Variants in CNTNAP2 observed in about 807,000 individuals in gnomAD.
CNTNAP2 encodes contactin associated protein 2, also known as contactin-associated protein-like 2.
In CNTNAP2, 98 loss-of-function variants were observed where a neutral mutation model predicts 155.2. That is an observed-to-expected ratio of 0.63 (90% confidence interval 0.54 to 0.75). The LOEUF is 0.75. CNTNAP2 is among the 30% of genes least tolerant of loss of function. CNTNAP2 has a pLI of 0.00. For synonymous variants in CNTNAP2, 651 were observed against 631.2 expected, an observed-to-expected ratio of 1.03 and a Z score of -0.47; for missense variants, 1,727 against 1,688.1, an observed-to-expected ratio of 1.02 and a Z score of -0.40.
At chr7:146,594,913 C>T (rs905473219) in intron 1 of CNTNAP2, among the ~76,000 whole-genome samples, 3 of 152,032 alleles carry the variant, frequency 2.0e-5, no homozygotes, top group South Asian at 4.1e-4. Flanking sequence ...AACATGACAA[C>T]GCTGACCCTG....
At chr7:147,435,418 C>T (rs1014313042) in intron 10 of CNTNAP2, among the ~76,000 whole-genome samples, 2 of 152,154 alleles carry the variant, frequency 1.3e-5, no homozygotes, top group Admixed American at 6.5e-5. Flanking sequence ...CCCCGTCTTA[C>T]ATATAACCAG....
At chr7:146,272,541 GC>G (rs1445329615) in intron 1 of CNTNAP2, among the ~76,000 whole-genome samples, 4 of 152,162 alleles carry the variant, frequency 2.6e-5, no homozygotes, top group Non-Finnish European at 4.4e-5. Flanking sequence ...TCCAAGCACG[GC>G]TTTTTGAAAA....
At chr7:147,526,548 C>A (rs17225888) in intron 11 of CNTNAP2, among the ~76,000 whole-genome samples, 39,034 of 152,066 alleles carry the variant, frequency 0.26, 5,235 homozygotes, top group East Asian at 0.32. Flanking sequence ...TGGTTTAGTG[C>A]TCATTGCTTG....
rs144842680 is a variant in CNTNAP2 at position 147,943,766 on chromosome 7, CAAAAAAAAAAAAAA to C, written c.2256-34077_2256-34064del. The stretch of plus-strand genomic sequence containing the variant: ...TGAGCAACAAAGTGAGACCCCGTCT[CAAAAAAAAAAAAAA>C]AAAAAAAAAAAAAAAAAAGCCTCTA... On this transcript the variant is annotated intron_variant, in intron 14 of 23. Transcript: ENST00000361727. Among the ~76,000 whole-genome samples the C allele has an allele frequency of 2.5e-4, 10 of 40,168 alleles. No individual in the cohort carries two copies. The East Asian group carries it at 5.2e-3, about 21-fold the overall frequency. The allele number at this position is 40,168 out of a possible 152,430, so 26.4% of individuals were successfully genotyped here.
chr7:147,030,345 A>G (rs1041075346), intron 3 of CNTNAP2, among the ~76,000 whole-genome samples: 3 of 152,140 alleles, frequency 2.0e-5, no homozygotes, highest in African/African-American at 4.8e-5. Flanking sequence ...TACCTTGAGT[A>G]TTATGCTTCT....
In CNTNAP2 at chr7:148,172,423, C is replaced by A. The variant is rs138257598; in HGVS notation, c.2955C>A (p.His985Gln). ...ENGGKCLERYHGYSCDCSNTA... is the reference protein window; with the variant it reads ...ENGGKCLERYQGYSCDCSNTA... ...GAGGCAAATGCCTAGAGAGATACCA[C>A]GGTTACTCCTGCGATTGCTCTAATA... Residue 985 changes from histidine (H) to glutamine (Q), a missense_variant, in exon 18 of 24, where the codon CAC becomes CAA. Physicochemically the swap from His to Gln is conservative, Grantham distance 24. Coordinates refer to ENST00000361727, the MANE Select transcript of CNTNAP2 (RefSeq NM_014141.6). 3.3e-5 allele frequency: 53 copies of A among 1,614,054 alleles called. No homozygotes were observed. Among genetic ancestry groups the A allele is most frequent in the Non-Finnish European group, 4.3e-5 (51 of 1,180,030 alleles).
chr7:146,153,287 C>T (rs151050308), intron 1 of CNTNAP2, among the ~76,000 whole-genome samples: 88 of 152,174 alleles, frequency 5.8e-4, no homozygotes, highest in Admixed American at 5.4e-3. Context: ...TTACACGTTC[C>T]AACCAGAGCT....
At chr7:147,465,570 G>T (rs1798106891) in intron 10 of CNTNAP2, among the ~76,000 whole-genome samples, 1 of 152,136 alleles carries the variant, frequency 6.6e-6, no homozygotes, top group African/African-American at 2.4e-5. Context: ...ATGTCTAAAT[G>T]GCAAATTGCT....
At chr7:147,287,382 A>T (rs1805204041) in intron 8 of CNTNAP2, among the ~76,000 whole-genome samples, 1 of 152,026 alleles carries the variant, frequency 6.6e-6, no homozygotes, top group South Asian at 2.1e-4. Flanking sequence ...GTCTTGCTAA[A>T]CTGACTTAGC....
intron 8 of CNTNAP2, among the ~76,000 whole-genome samples, chr7:147,192,604 T>C (rs989315226): frequency 2.0e-5 from 3 of 152,074 alleles, no homozygotes; most frequent in Non-Finnish European, 4.4e-5. Flanking sequence ...ACAGCTCTAA[T>C]ATATTCTATC....
At chr7:148,372,585 G>T (rs896660531) in intron 21 of CNTNAP2, among the ~76,000 whole-genome samples, 6 of 152,002 alleles carry the variant, frequency 3.9e-5, no homozygotes, top group Admixed American at 6.6e-5. Flanking sequence ...GCATATGCCT[G>T]TAATCCCAGC....
intron 8 of CNTNAP2, among the ~76,000 whole-genome samples, chr7:147,243,865 A>C (rs1803995949): frequency 6.6e-6 from 1 of 152,170 alleles, no homozygotes; most frequent in South Asian, 2.1e-4. Context: ...CAGTGTTACT[A>C]TCTAGTTGGC....
At chr7:146,485,455 T>C (rs1325205219) in intron 1 of CNTNAP2, among the ~76,000 whole-genome samples, 1 of 152,192 alleles carries the variant, frequency 6.6e-6, no homozygotes, top group Non-Finnish European at 1.5e-5. Flanking sequence ...CAAAATTTCT[T>C]ATGTGATACA....
intron 8 of CNTNAP2, among the ~76,000 whole-genome samples, chr7:147,276,747 G>A (rs1249878053): frequency 6.6e-6 from 1 of 151,774 alleles, no homozygotes; most frequent in African/African-American, 2.4e-5. Flanking sequence ...TAATGACTAT[G>A]TTAGGTTTTT....
chr7:148,176,129 A>G (rs568356979), intron 18 of CNTNAP2, among the ~76,000 whole-genome samples: 1 of 150,122 alleles, frequency 6.7e-6, no homozygotes, highest in South Asian at 2.1e-4. Context: ...GATACTCACT[A>G]TTCCGCACTA....
chr7:147,486,354 C>T (rs995316684), intron 11 of CNTNAP2, among the ~76,000 whole-genome samples: 3 of 152,054 alleles, frequency 2.0e-5, no homozygotes, highest in African/African-American at 7.2e-5. Flanking sequence ...TCTGTTGGGT[C>T]GATTGTTTGG....
At chr7:148,078,277 T>G (rs1288799470) in intron 15 of CNTNAP2, among the ~76,000 whole-genome samples, 1 of 152,146 alleles carries the variant, frequency 6.6e-6, no homozygotes, top group Non-Finnish European at 1.5e-5. Context: ...TTGGCCAGGC[T>G]TGTCTCAAAC....
chr7:146,841,400 A>G (rs181388399), intron 3 of CNTNAP2, among the ~76,000 whole-genome samples: 1 of 152,198 alleles, frequency 6.6e-6, no homozygotes, highest in East Asian at 1.9e-4. Context: ...GGAGAAATCA[A>G]GTGGCCAACC....
chr7:148,405,388 C>T (rs1433427396), intron 22 of CNTNAP2, among the ~76,000 whole-genome samples: 2 of 149,124 alleles, frequency 1.3e-5, no homozygotes, highest in Non-Finnish European at 3.0e-5. Context: ...TGTTTTTATC[C>T]GTAACCTCAA....
Sources: allele counts gnomAD v4.1 joint callset (sites outside exome capture counted in the v4.1 genomes callset), GRCh38; gene constraint gnomAD v4.1.1; transcripts MANE v1.5; gene names NCBI Gene and HGNC (gene_info 2026-07-23, HGNC 2026-07-21).